The following SLCO3A1 variants were observed in gnomAD, a reference collection of about 807,000 sequenced individuals.
SLCO3A1 encodes solute carrier organic anion transporter family member 3A1.
SLCO3A1 carries 27 observed loss-of-function variants against 63.1 expected under a neutral mutation model. The ratio of observed to expected loss-of-function variants is 0.43; its 90% CI spans 0.32 to 0.59. The LOEUF (loss-of-function observed/expected upper bound fraction) is 0.59, where lower values mean the gene tolerates loss of function less well. Ranked by LOEUF, SLCO3A1 falls within the 20% of genes least tolerant of loss-of-function variation. The probability of loss-of-function intolerance (pLI) is 0.09; values close to 1 mark genes in which losing one functional copy is unlikely to be tolerated. For missense variants in SLCO3A1, 773 were observed against 945.8 expected (o/e 0.82, Z 2.40); for synonymous variants, 473 against 409.9 (o/e 1.15, Z -1.86).
Position 92,136,064 on chromosome 15 carries a change from G to C in SLCO3A1, c.1512+7575G>C, listed in dbSNP as rs149773081. 3.0e-3 allele frequency among the ~76,000 whole-genome samples: 455 copies of C among 152,288 alleles called. 3 individuals carry two copies. Among genetic ancestry groups the C allele is most frequent in the Non-Finnish European group, 5.7e-3 (386 of 68,030 alleles). On this transcript the variant is annotated intron_variant, in intron 7 of 9. Coordinates refer to ENST00000318445, the MANE Select transcript of SLCO3A1 (RefSeq NM_013272.4). ...TTGAGCCCAGGAGTTTGAGACTGCAGTAAGCTATGATCATGCCACTGCACT... is the reference window on the plus strand; with the variant it reads ...TTGAGCCCAGGAGTTTGAGACTGCACTAAGCTATGATCATGCCACTGCACT...
intron 2 of SLCO3A1, among the ~76,000 whole-genome samples, chr15:91,985,540 G>T (rs2046041045): frequency 6.6e-6 from 1 of 152,210 alleles, no homozygotes; most frequent in Admixed American, 6.5e-5. Flanking sequence ...CTGCCCAAAA[G>T]TGTCAGTGTA....
At chr15:92,084,572 A>G (rs1374049551) in intron 2 of SLCO3A1, among the ~76,000 whole-genome samples, 2 of 152,192 alleles carry the variant, frequency 1.3e-5, no homozygotes, top group African/African-American at 4.8e-5. Context: ...AGGGTCAGAA[A>G]CACGAATGGG....
At chr15:91,956,154 C>G (rs1413574669) in intron 2 of SLCO3A1, among the ~76,000 whole-genome samples, 1 of 152,150 alleles carries the variant, frequency 6.6e-6, no homozygotes, top group Non-Finnish European at 1.5e-5. Context: ...GAGCTAAGGT[C>G]TGGCTATTGT....
Position 91,875,399 on chromosome 15 carries a change from T to C in SLCO3A1, c.180+21311T>C, listed in dbSNP as rs1897374787. Among the ~76,000 whole-genome samples, 1 of 152,162 alleles carries C rather than the reference T, an allele frequency of 6.6e-6. No individual in the cohort carries two copies. The highest frequency in any genetic ancestry group is 1.5e-5 in the Non-Finnish European group (1 of 68,034). ...TGTTGGCACTGCCTTTCCAGTTTAC[T>C]CTCTCCACAGGGTAAAAACTGGACT... On this transcript the variant is annotated intron_variant, in intron 1 of 9. Transcript: ENST00000318445. The surrounding 1 kb of genome is among the most constrained non-coding windows in gnomAD (Gnocchi z 4.5).
intron 2 of SLCO3A1, among the ~76,000 whole-genome samples, chr15:91,969,256 A>T (rs1900770261): frequency 1.3e-5 from 2 of 152,136 alleles, no homozygotes; most frequent in South Asian, 4.1e-4. Context: ...GTGGATACTA[A>T]GAACTAATTG....
Position 91,872,557 on chromosome 15 carries a change from GAAGA to G in SLCO3A1, c.180+18479_180+18482del, listed in dbSNP as rs1897306535. On this transcript the variant is annotated intron_variant, in intron 1 of 9. Coordinates refer to ENST00000318445, the MANE Select transcript of SLCO3A1 (RefSeq NM_013272.4). This position sits in a 1 kb window ranked among gnomAD's most constrained non-coding sequence, Gnocchi z 4.1. ...TCAAAAAAAAAAAGAAAAGAAAAAA[GAAGA>G]AAGAAAGAACGTGCCCAAGCCCAAG... Among the ~76,000 whole-genome samples the G allele has an allele frequency of 6.6e-6, 1 of 151,892 alleles. No individual in the cohort carries two copies. The highest frequency in any genetic ancestry group is 2.4e-5 in the African/African-American group (1 of 41,376).
At chr15:92,032,688 G>A (rs1261907580) in intron 2 of SLCO3A1, among the ~76,000 whole-genome samples, 1 of 152,140 alleles carries the variant, frequency 6.6e-6, no homozygotes, top group African/African-American at 2.4e-5. Flanking sequence ...CATCTTGCAG[G>A]TGCAGAGGCC....
At chr15:92,038,631 T>G (rs1206415741) in intron 2 of SLCO3A1, among the ~76,000 whole-genome samples, 1 of 152,058 alleles carries the variant, frequency 6.6e-6, no homozygotes, top group African/African-American at 2.4e-5. Context: ...AAACATTCCA[T>G]CCTCCTGGAT....
chr15:92,138,775 T>C (rs2048090506), intron 7 of SLCO3A1, among the ~76,000 whole-genome samples: 1 of 85,628 alleles, frequency 1.2e-5, no homozygotes, highest in Non-Finnish European at 2.1e-5. Flanking sequence ...GGCTCTCTGT[T>C]TGTCTGTTGT....
intron 2 of SLCO3A1, among the ~76,000 whole-genome samples, chr15:92,083,188 C>T (rs903814842): frequency 8.5e-5 from 13 of 152,290 alleles, no homozygotes; most frequent in Middle Eastern, 3.4e-3. Context: ...TAGGAGAGAC[C>T]GTTTTCTTGT....
At chr15:91,962,197 C>T (rs566912406) in intron 2 of SLCO3A1, among the ~76,000 whole-genome samples, 3 of 152,086 alleles carry the variant, frequency 2.0e-5, no homozygotes, top group South Asian at 2.1e-4. Context: ...AATTACAGAG[C>T]GGCCGTGCAC....
intron 1 of SLCO3A1, among the ~76,000 whole-genome samples, chr15:91,905,783 T>A (rs1378386547): frequency 3.3e-5 from 5 of 152,230 alleles, no homozygotes; most frequent in African/African-American, 9.6e-5. Context: ...CCCAGAGTTT[T>A]AAAAATTTCA....
At chr15:91,881,922 T>C (rs1195847686) in intron 1 of SLCO3A1, among the ~76,000 whole-genome samples, 1 of 152,152 alleles carries the variant, frequency 6.6e-6, no homozygotes, top group Non-Finnish European at 1.5e-5. Flanking sequence ...CCTGGCCAGG[T>C]CTGGGTCCCC....
At chr15:92,129,323 C>G (rs2047964732) in intron 7 of SLCO3A1, among the ~76,000 whole-genome samples, 1 of 152,172 alleles carries the variant, frequency 6.6e-6, no homozygotes, top group Non-Finnish European at 1.5e-5. Flanking sequence ...TGCCACGTGT[C>G]TTCAGCTCTA....
chr15:92,128,619 A>T, intron 7 of SLCO3A1, 130 bp downstream of exon 7: 1 of 757,548 alleles, frequency 1.3e-6, no homozygotes, highest in Non-Finnish European at 2.1e-6. Context: ...GTAGTGGAAG[A>T]TGTTCCATCA....
Position 92,076,712 on chromosome 15 carries a change from G to A in SLCO3A1, c.647-18169G>A, listed in dbSNP as rs778741954. ...AATCCCCACCAGTCAGCACACACTC[G>A]GAGGGAGGCCCTGAGCCAGGTCCCC... On this transcript the variant is annotated intron_variant, in intron 2 of 9. Transcript: ENST00000318445. 4.6e-5 allele frequency among the ~76,000 whole-genome samples: 7 copies of A among 152,186 alleles called. No individual in the cohort carries two copies. In the South Asian group the frequency reaches 8.3e-4, roughly 18 times the overall value.
chr15:92,154,719 G>T (rs2048350077), intron 9 of SLCO3A1, among the ~76,000 whole-genome samples: 1 of 152,098 alleles, frequency 6.6e-6, no homozygotes, highest in African/African-American at 2.4e-5. Context: ...GGCTGCAGAG[G>T]TGTACTGGTC....
At chr15:92,160,291 G>T (rs768080484) in intron 9 of SLCO3A1, among the ~76,000 whole-genome samples, 3 of 152,128 alleles carry the variant, frequency 2.0e-5, no homozygotes, top group South Asian at 2.1e-4. Context: ...ACTGGCTCCA[G>T]ATCTTCATTT....
At chr15:91,922,792 T>C (rs996437467) in intron 2 of SLCO3A1, among the ~76,000 whole-genome samples, 1 of 152,248 alleles carries the variant, frequency 6.6e-6, no homozygotes, top group African/African-American at 2.4e-5. Context: ...TAAATGGCAC[T>C]ATAAAAGTGG....
Sources: allele counts gnomAD v4.1 joint callset (sites outside exome capture counted in the v4.1 genomes callset), GRCh38; gene constraint gnomAD v4.1.1; non-coding constraint Gnocchi (gnomAD v3.1); transcripts MANE v1.5; gene names NCBI Gene and HGNC (gene_info 2026-07-23, HGNC 2026-07-21).